The following MAP3K6 variants were observed in gnomAD, a reference collection of about 807,000 sequenced individuals.
MAP3K6 encodes mitogen-activated protein kinase kinase kinase 6.
A neutral mutation model predicts 147.1 loss-of-function variants in MAP3K6; 105 were observed. The ratio of observed to expected loss-of-function variants is 0.71; its 90% CI spans 0.61 to 0.84. The LOEUF (loss-of-function observed/expected upper bound fraction) is 0.84, where lower values mean the gene tolerates loss of function less well. MAP3K6 is among the 40% of genes least tolerant of loss of function. The pLI is 0.00. For missense variants in MAP3K6, 1,569 were observed against 1,715.0 expected (o/e 0.91, Z 1.50); for synonymous variants, 695 against 732.4 (o/e 0.95, Z 0.82).
In MAP3K6 at chr1:27,358,965, C is replaced by T. The variant is rs2015645508; in HGVS notation, c.2426-99G>A. 1 of 1,226,180 alleles carries T rather than the reference C, an allele frequency of 8.2e-7. No homozygotes were observed. The highest frequency in any genetic ancestry group is 1.5e-5 in the South Asian group (1 of 68,290). The allele number at this position is 1,226,180 out of a possible 1,614,324, so 76.0% of individuals were successfully genotyped here. On this transcript the variant is annotated intron_variant, in intron 18 of 28. Coordinates refer to ENST00000357582, the MANE Select transcript of MAP3K6 (RefSeq NM_004672.5). This position sits in a 1 kb window ranked among gnomAD's most constrained non-coding sequence, Gnocchi z 6.2. ...CATCCTCAGGCCGACTGCACCCATA[C>T]TGAACCTATCATCCAAAATATACCT...
chr1:27,363,541 G>C lies in MAP3K6; in HGVS notation c.872C>G (p.Ser291Trp). 3 of 1,609,506 alleles carry C rather than the reference G, an allele frequency of 1.9e-6. No homozygotes were observed. Among genetic ancestry groups the C allele is most frequent in the Non-Finnish European group, 2.5e-6 (3 of 1,177,632 alleles). ...LLSYRDVQDY[S>W]AIIELVETLQ... Reference sequence around the variant, plus strand: ...CGTCTCCACCAGCTCAATGATGGCCGAGTAGTCCTGCATCAGGGAACGGCA... The same window carrying C: ...CGTCTCCACCAGCTCAATGATGGCCCAGTAGTCCTGCATCAGGGAACGGCA... The change falls in exon 6 of 29, where the codon TCG (serine) becomes TGG (tryptophan). Residue 291 changes from serine to tryptophan, a missense_variant. Ser to Trp is a radical substitution (Grantham distance 177). Coordinates refer to ENST00000357582, the MANE Select transcript of MAP3K6 (RefSeq NM_004672.5).
Position 27,356,484 on chromosome 1 carries a change from C to G in MAP3K6, c.3541G>C (p.Ala1181Pro), listed in dbSNP as rs752848738. ...AETDRLREIL[A>P]GKEREYQALV... ...GCCTGGTACTCCCGTTCCTTCCCCGCCAGGATTTCGCGCAGCCTGTGGGGC... is the reference window on the plus strand; with the variant it reads ...GCCTGGTACTCCCGTTCCTTCCCCGGCAGGATTTCGCGCAGCCTGTGGGGC... Residue 1181 changes from alanine to proline, a missense_variant, in exon 26 of 29, where the codon GCG (alanine) becomes CCG (proline). Physicochemically the swap from Ala to Pro is conservative, Grantham distance 27. Coordinates refer to ENST00000357582, the MANE Select transcript of MAP3K6 (RefSeq NM_004672.5). The G allele has an allele frequency of 6.2e-7, 1 of 1,613,928 alleles. No homozygotes were observed. Among genetic ancestry groups the G allele is most frequent in the African/African-American group, 1.3e-5 (1 of 75,056 alleles).
Position 27,357,056 on chromosome 1 carries a change from G to A in MAP3K6, c.3317C>T (p.Ser1106Leu). Reference protein sequence around the residue: ...IRPHWMFVLDSLLSRAVRAAL... With the variant: ...IRPHWMFVLDLLLSRAVRAAL... ...TGCCCGCACAGCACGGCTGAGCAGT[G>A]AGTCCAGAACGAACATCCAGTGTGG... The change falls in exon 24 of 29, where the codon TCA (serine) becomes TTA (leucine). Residue 1106 changes from serine to leucine, a missense_variant. Coordinates refer to ENST00000357582, the MANE Select transcript of MAP3K6 (RefSeq NM_004672.5). 12 of 1,614,078 alleles carry A rather than the reference G, an allele frequency of 7.4e-6. No homozygotes were observed. The highest frequency in any genetic ancestry group is 1.0e-5 in the Non-Finnish European group (12 of 1,180,010).
Position 27,360,223 on chromosome 1 carries a change from C to T in MAP3K6, c.2182+18G>A. ...CTTCACACCTCGGTTTCATTCCCAT[C>T]CCACACAGGGCAGGTACCTCCAGGC... On this transcript the variant is annotated intron_variant, in intron 16 of 28. Coordinates refer to ENST00000357582, the MANE Select transcript of MAP3K6 (RefSeq NM_004672.5). This position sits in a 1 kb window ranked among gnomAD's most constrained non-coding sequence, Gnocchi z 4.5. The T allele has an allele frequency of 6.2e-7, 1 of 1,613,264 alleles. No individual in the cohort carries two copies. The highest frequency in any genetic ancestry group is 1.3e-5 in the African/African-American group (1 of 75,042).
Position 27,364,067 on chromosome 1 carries a change from G to C in MAP3K6, c.714C>G (p.Thr238=), listed in dbSNP as rs2015885222. 6.2e-7 allele frequency: 1 copy of C among 1,612,750 alleles called. No individual in the cohort carries two copies. Among genetic ancestry groups the C allele is most frequent in the East Asian group, 2.2e-5 (1 of 44,884 alleles). Residue 238 remains threonine, a synonymous_variant, in exon 5 of 29, where the codon ACC becomes ACG. Coordinates refer to ENST00000357582, the MANE Select transcript of MAP3K6 (RefSeq NM_004672.5). The surrounding 1 kb of genome is among the most constrained non-coding windows in gnomAD (Gnocchi z 4.4). ...GCGCCTGCCGGATGTCCCGCCGAAT[G>C]GTCTCCCGGAAATAGCCACTGATGC... is the stretch of plus-strand genomic sequence containing the variant. ...PTDSCGYFRE[T]IRRDIRQARE...
intron 6 of MAP3K6, 65 bp from the exon 7 acceptor site, chr1:27,363,086 G>T: frequency 2.1e-6 from 3 of 1,462,732 alleles, no homozygotes; most frequent in South Asian, 1.3e-5. Context: ...GGGACCTCTA[G>T]ACACTGAACC....
chr1:27,361,987 A>G, intron 9 of MAP3K6, 104 bp downstream of exon 9: 1 of 1,522,388 alleles, frequency 6.6e-7, no homozygotes, highest in East Asian at 2.3e-5. Context: ...CTGGTCTAAA[A>G]GCAGCCAGGT....
Position 27,361,168 on chromosome 1 carries a change from C to A in MAP3K6, c.1821G>T (p.Gly607=). The A allele has an allele frequency of 6.2e-7, 1 of 1,610,588 alleles. No homozygotes were observed. The highest frequency in any genetic ancestry group is 8.5e-7 in the Non-Finnish European group (1 of 1,178,948). Residue 607 remains glycine, a synonymous_variant, in exon 13 of 29, where the codon GGG becomes GGT. Transcript: ENST00000357582. ...GAAAGGCTGCGCACCACTGGCAGTG[C>A]CCTACGCTGGGGAAGCACAGCTGGA... ...QDVQLCFPSV[G]HCQWFCGLIQ...
intron 21 of MAP3K6, 83 bp from the exon 22 acceptor site, chr1:27,357,959 CCTA>C (rs2148048744): frequency 2.0e-6 from 3 of 1,484,516 alleles, no homozygotes; most frequent in African/African-American, 2.8e-5. Context: ...TCCTGGCTCT[CCTA>C]CTTTTATGCC....
Position 27,359,394 on chromosome 1 carries a change from T to C in MAP3K6, c.2425+23A>G. 1 of 1,613,924 alleles carries C rather than the reference T, an allele frequency of 6.2e-7. No individual in the cohort carries two copies. The highest frequency in any genetic ancestry group is 1.1e-5 in the South Asian group (1 of 91,068). ...TTCTGCCCCAGGTCAGCATCCCCAC[T>C]CACCACCCCCACACCTTGTTACCTG... On this transcript the variant is annotated intron_variant, in intron 18 of 28. Coordinates refer to ENST00000357582, the MANE Select transcript of MAP3K6 (RefSeq NM_004672.5). This position sits in a 1 kb window ranked among gnomAD's most constrained non-coding sequence, Gnocchi z 4.4.
Position 27,358,452 on chromosome 1 carries a change from G to C in MAP3K6, c.2743C>G (p.Pro915Ala). 1.3e-6 allele frequency: 2 copies of C among 1,594,858 alleles called. No homozygotes were observed. The highest frequency in any genetic ancestry group is 1.7e-6 in the Non-Finnish European group (2 of 1,174,484). Reference sequence around the variant, plus strand: ...CGTGGAGCATGTCGTGGGGAGCTGGGGCTGCGGCTCCTTTTCCCAGGCTGC... The same window carrying C: ...CGTGGAGCATGTCGTGGGGAGCTGGCGCTGCGGCTCCTTTTCCCAGGCTGC... Reference protein sequence around the residue: ...FLQPGKRSRSPSSPRHAPRPS... With the variant: ...FLQPGKRSRSASSPRHAPRPS... The change falls in exon 20 of 29, where the codon CCC becomes GCC. Residue 915 changes from proline (P) to alanine (A), a missense_variant. Transcript: ENST00000357582. This position sits in a 1 kb window ranked among gnomAD's most constrained non-coding sequence, Gnocchi z 6.2.
In MAP3K6 at chr1:27,366,168, G is replaced by C. The variant is rs2015972541; in HGVS notation, c.340+90C>G. On this transcript the variant is annotated intron_variant, in intron 1 of 28. Coordinates refer to ENST00000357582, the MANE Select transcript of MAP3K6 (RefSeq NM_004672.5). The surrounding 1 kb of genome is among the most constrained non-coding windows in gnomAD (Gnocchi z 5.5). ...GTCCCCTAGACCCGGTACCCCTCTC[G>C]GCCCCTCCCTTGAGCCTTCGAGCCC... is the stretch of plus-strand genomic sequence containing the variant. The C allele has an allele frequency of 8.3e-7, 1 of 1,208,958 alleles. No individual in the cohort carries two copies. The allele number at this position is 1,208,958 out of a possible 1,614,324, so 74.9% of individuals were successfully genotyped here.
chr1:27,362,370 A>G, intron 8 of MAP3K6, 120 bp from the exon 9 acceptor site: 1 of 1,077,138 alleles, frequency 9.3e-7, no homozygotes, highest in South Asian at 1.7e-5. Context: ...GAGTATGGCA[A>G]GATCTCGGGT....
At chr1:27,362,416 T>G (rs1319211803) in intron 8 of MAP3K6, among the ~76,000 whole-genome samples, 166 bp from the exon 9 acceptor site, 1 of 152,116 alleles carries the variant, frequency 6.6e-6, no homozygotes, top group Non-Finnish European at 1.5e-5. Flanking sequence ...TATGTGGAAT[T>G]CAGGATGTAA....
In MAP3K6 at chr1:27,359,979, AAGG is replaced by A. The variant is rs759486433; in HGVS notation, c.2195_2197del (p.Ser732del). The A allele has an allele frequency of 1.2e-6, 2 of 1,614,094 alleles. No homozygotes were observed. The highest frequency in any genetic ancestry group is 1.1e-5 in the South Asian group (1 of 91,088). The stretch of plus-strand genomic sequence containing the variant: ...CAGGGGTCCCCACACCGACCGCAGC[AAGG>A]AGGACAGGCTGCCTGGGTGGGGACA... On this transcript the variant is annotated inframe_deletion, in exon 17 of 29. Coordinates refer to ENST00000357582, the MANE Select transcript of MAP3K6 (RefSeq NM_004672.5). This position sits in a 1 kb window ranked among gnomAD's most constrained non-coding sequence, Gnocchi z 4.4.
At chr1:27,356,356 C>T (rs755081882) in intron 26 of MAP3K6, 32 bp downstream of exon 26, 3 of 1,563,478 alleles carry the variant, frequency 1.9e-6, no homozygotes, top group Non-Finnish European at 2.6e-6. Context: ...CTTGAACCCA[C>T]CAATAATGTT....
intron 22 of MAP3K6, 24 bp from the exon 23 acceptor site, chr1:27,357,600 C>T (rs1481990396): frequency 1.3e-6 from 2 of 1,598,204 alleles, no homozygotes; most frequent in Non-Finnish European, 1.7e-6. Flanking sequence ...GAGGGGTTGT[C>T]AGCGAGTGCT....
rs775329754 is a variant in MAP3K6 at position 27,358,473 on chromosome 1, G to A, written c.2722C>T (p.Pro908Ser). Residue 908 changes from proline to serine, a missense_variant, in exon 20 of 29, where the codon CCT becomes TCT. By Grantham distance (74) the Pro-to-Ser change is moderately conservative. Transcript: ENST00000357582. This position sits in a 1 kb window ranked among gnomAD's most constrained non-coding sequence, Gnocchi z 6.2. ...QTLLGDPFLQ[P>S]GKRSRSPSSP... ...CTGGGGCTGCGGCTCCTTTTCCCAG[G>A]CTGCAGGAAGGGGTCCCCCAGCAGT... The A allele has an allele frequency of 6.3e-7, 1 of 1,594,370 alleles. No individual in the cohort carries two copies. The highest frequency in any genetic ancestry group is 1.9e-5 in the Admixed American group (1 of 52,362).
chr1:27,358,715 C>T lies in MAP3K6; in HGVS notation c.2577G>A (p.Met859Ile). 1.2e-6 allele frequency: 2 copies of T among 1,613,886 alleles called. No homozygotes were observed. Among genetic ancestry groups the T allele is most frequent in the Non-Finnish European group, 1.7e-6 (2 of 1,180,006 alleles). The change falls in exon 19 of 29, where the codon ATG becomes ATA. Residue 859 changes from methionine to isoleucine, a missense_variant. Transcript: ENST00000357582. This position sits in a 1 kb window ranked among gnomAD's most constrained non-coding sequence, Gnocchi z 6.2. ...AGGCCCAAAGAGGTCTCACCTGAAA[C>T]ATGGCAGCCTGTGGGCTCCCGAGCT... ...FHELGSPQAA[M>I]FQVGMYKVHP... is the part of the protein sequence containing the mutation.
Sources: allele counts gnomAD v4.1 joint callset (sites outside exome capture counted in the v4.1 genomes callset), GRCh38; gene constraint gnomAD v4.1.1; non-coding constraint Gnocchi (gnomAD v3.1); transcripts MANE v1.5; gene names NCBI Gene and HGNC (gene_info 2026-07-23, HGNC 2026-07-21).